TENT2: variants seen among roughly 807,000 people sequenced by gnomAD.
TENT2 encodes terminal nucleotidyltransferase 2, also known as poly(A) RNA polymerase GLD2.
TENT2 carries 44 observed loss-of-function variants against 72.2 expected under a neutral mutation model. That is an observed-to-expected ratio of 0.61 (90% CI 0.48 to 0.78). TENT2 has a LOEUF of 0.78. Among genes scored for constraint, TENT2 ranks in the 30% least tolerant of loss-of-function variants. The pLI is 0.00. For missense variants in TENT2, 541 were observed against 569.6 expected (o/e 0.95, Z 0.51); for synonymous variants, 212 against 192.5 (o/e 1.10, Z -0.84).
rs1043598762 is a variant in TENT2, at chr5:79,682,424, C to T, written c.1380+363C>T. Among the ~76,000 whole-genome samples, 9 of 151,620 alleles carry T rather than the reference C, an allele frequency of 5.9e-5. No homozygotes were observed. In the East Asian group the frequency reaches 1.2e-3, roughly 20 times the overall value. Reference sequence around the variant, plus strand: ...CCTCCCAGATAGCTTGGATTACAGACGAGTGCCACCACACCCAGCTAATTT... The same window carrying T: ...CCTCCCAGATAGCTTGGATTACAGATGAGTGCCACCACACCCAGCTAATTT... On this transcript the variant is annotated intron_variant, in intron 14 of 14. Transcript: ENST00000453514.
intron 4 of TENT2, among the ~76,000 whole-genome samples, chr5:79,628,731 A>G (rs1561474330): frequency 1.3e-5 from 2 of 152,204 alleles, no homozygotes; most frequent in African/African-American, 4.8e-5. Flanking sequence ...ACTATAAAAC[A>G]TTTGTGCTCC....
At chr5:79,619,013 G>T (rs1470179876) in intron 1 of TENT2, among the ~76,000 whole-genome samples, 1 of 152,124 alleles carries the variant, frequency 6.6e-6, no homozygotes, top group East Asian at 1.9e-4. Context: ...TCACTGCAAA[G>T]AATAAATATC....
intron 4 of TENT2, among the ~76,000 whole-genome samples, chr5:79,639,489 T>TA (rs10677857): frequency 3.3e-5 from 5 of 151,832 alleles, no homozygotes; most frequent in African/African-American, 1.2e-4. Flanking sequence ...TTTTTTTTTT[T>TA]ATATTGACCT....
At chr5:79,648,560 G>A in intron 8 of TENT2, 57 bp from the exon 9 acceptor site, 1 of 1,208,188 alleles carries the variant, frequency 8.3e-7, no homozygotes, top group Non-Finnish European at 1.2e-6. Context: ...TATTAGGAAG[G>A]AAGTTTTTTT....
chr5:79,672,286 C>T (rs1030921800), intron 12 of TENT2, among the ~76,000 whole-genome samples: 4 of 152,152 alleles, frequency 2.6e-5, no homozygotes, highest in African/African-American at 9.7e-5. Context: ...GTATCCATCA[C>T]CTCAAGCATT....
chr5:79,641,048 A>T (rs1784064048), intron 5 of TENT2, 57 bp from the exon 6 acceptor site: 2 of 1,492,766 alleles, frequency 1.3e-6, no homozygotes, highest in East Asian at 4.6e-5. Flanking sequence ...ATAGGCACAG[A>T]ACCATGCACC....
rs1049418128 is a variant in TENT2 at position 79,679,620 on chromosome 5, T to C, written c.1250T>C (p.Ile417Thr). 6 of 1,603,458 alleles carry C rather than the reference T, an allele frequency of 3.7e-6. No homozygotes were observed. Among genetic ancestry groups the C allele is most frequent in the Non-Finnish European group, 5.1e-6 (6 of 1,174,110 alleles). Residue 417 changes from isoleucine (I) to threonine (T), a missense_variant, in exon 13 of 15, where the codon ATT becomes ACT. Coordinates refer to ENST00000453514, the MANE Select transcript of TENT2 (RefSeq NM_001114394.3). ...ATTTCAGTTCGTGAAGCCAAAGCCA[T>C]TCCAAGGCCTGATGGTATTGAATGG... Reference protein sequence around the residue: ...QMISVREAKAIPRPDGIEWRN... With the variant: ...QMISVREAKATPRPDGIEWRN...
At chr5:79,632,267 G>A (rs1776179000) in intron 4 of TENT2, among the ~76,000 whole-genome samples, 1 of 152,096 alleles carries the variant, frequency 6.6e-6, no homozygotes, top group Non-Finnish European at 1.5e-5. Flanking sequence ...CTACTTTGAG[G>A]ATAAACATAA....
chr5:79,676,756 A>G (rs1249557820), intron 12 of TENT2, among the ~76,000 whole-genome samples: 1 of 152,192 alleles, frequency 6.6e-6, no homozygotes, highest in African/African-American at 2.4e-5. Context: ...ATTAAGCCCC[A>G]TATCTGTTCT....
chr5:79,666,507 C>G (rs1354035619), intron 11 of TENT2, among the ~76,000 whole-genome samples: 2 of 151,754 alleles, frequency 1.3e-5, no homozygotes, highest in African/African-American at 4.8e-5. Flanking sequence ...ATCACCATGC[C>G]CAGCTAATCT....
Position 79,623,471 on chromosome 5 carries a change from G to T in TENT2, c.447G>T (p.Leu149=). The T allele has an allele frequency of 6.2e-7, 1 of 1,604,990 alleles. No homozygotes were observed. The highest frequency in any genetic ancestry group is 8.5e-7 in the Non-Finnish European group (1 of 1,174,238). Residue 149 remains leucine, a synonymous_variant, in exon 4 of 15, where the codon CTG becomes CTT. Coordinates refer to ENST00000453514, the MANE Select transcript of TENT2 (RefSeq NM_001114394.3). ...TTTTAGAACCTAGAGAAATCACACT[G>T]CCTGAGGCCAAAGATAAGGTAATAA... ...IAFLEPREIT[L]PEAKDKLSQQ... is the part of the protein sequence containing the mutation.
At chr5:79,663,330 C>T (rs1371705958) in intron 11 of TENT2, among the ~76,000 whole-genome samples, 1 of 152,206 alleles carries the variant, frequency 6.6e-6, no homozygotes, top group African/African-American at 2.4e-5. Flanking sequence ...TTTTCCTTTG[C>T]ATTCGCAGCC....
chr5:79,660,479 A>G (rs1801950002), intron 11 of TENT2, among the ~76,000 whole-genome samples: 1 of 150,996 alleles, frequency 6.6e-6, no homozygotes, highest in South Asian at 2.1e-4. Flanking sequence ...GTACTCTAGG[A>G]AACATTTATG....
In TENT2 at chr5:79,648,709, GT is replaced by G; in HGVS notation, c.898+19del. On this transcript the variant is annotated intron_variant, in intron 9 of 14. Transcript: ENST00000453514. ...TATGCATACCGTAAGTTTGTTGTTT[GT>G]TTATTAAAAATTAGCCTTTTTTTCT... The G allele has an allele frequency of 6.4e-7, 1 of 1,550,556 alleles. No homozygotes were observed. Among genetic ancestry groups the G allele is most frequent in the Non-Finnish European group, 8.7e-7 (1 of 1,144,870 alleles).
chr5:79,683,777 G>C (rs551204242), intron 14 of TENT2, among the ~76,000 whole-genome samples: 11 of 150,612 alleles, frequency 7.3e-5, no homozygotes, highest in Non-Finnish European at 1.6e-4. Context: ...AAAATTAGCC[G>C]GGTGTAGTGG....
chr5:79,682,486 T>A (rs1822827584), intron 14 of TENT2, among the ~76,000 whole-genome samples: 1 of 149,320 alleles, frequency 6.7e-6, no homozygotes, highest in Non-Finnish European at 1.5e-5. Context: ...GGTTTCACCA[T>A]GTTGGTCAGG....
chr5:79,683,029 T>C (rs1382429961), intron 14 of TENT2, among the ~76,000 whole-genome samples: 2 of 152,072 alleles, frequency 1.3e-5, no homozygotes, highest in Admixed American at 1.3e-4. Flanking sequence ...TTAATGATAA[T>C]TTAAAATGCA....
Position 79,626,306 on chromosome 5 carries a change from A to AT in TENT2, c.465+2836dup, listed in dbSNP as rs36064690. Among the ~76,000 whole-genome samples, 608 of 130,008 alleles carry AT rather than the reference A, an allele frequency of 4.7e-3. 5 individuals carry two copies. The highest frequency in any genetic ancestry group is 0.011 in the East Asian group (46 of 4,374). 85.3% of individuals were successfully genotyped at this position (130,008 alleles called of 152,430 possible). ...AGGTGTGGGCCACCATGCCCAGCTA[A>AT]TTTTTTTTTTTTTTTTTTTGAGACG... On this transcript the variant is annotated intron_variant, in intron 4 of 14. Coordinates refer to ENST00000453514, the MANE Select transcript of TENT2 (RefSeq NM_001114394.3).
At chr5:79,631,742 T>G (rs542825352) in intron 4 of TENT2, among the ~76,000 whole-genome samples, 2 of 152,178 alleles carry the variant, frequency 1.3e-5, no homozygotes, top group Non-Finnish European at 1.5e-5. Context: ...GGAAGATTCA[T>G]AGAGAGGAAA....
Sources: gnomAD v4.1 joint callset for allele counts (sites outside exome capture counted in the v4.1 genomes callset) on GRCh38, gnomAD v4.1.1 for gene constraint, MANE v1.5 for transcripts, NCBI Gene and HGNC (gene_info 2026-07-23, HGNC 2026-07-21) for gene names.